GPC6: variants seen among roughly 807,000 people sequenced by gnomAD.
GPC6 encodes glypican-6.
A neutral mutation model predicts 55.2 loss-of-function variants in GPC6; 14 were observed. The observed-to-expected ratio is 0.25, with a 90% CI of 0.17 to 0.40. The LOEUF is 0.40. Among genes scored for constraint, GPC6 ranks in the 10% least tolerant of loss-of-function variants. The pLI is 1.00. For synonymous variants in GPC6, 278 were observed against 259.6 expected, an observed-to-expected ratio of 1.07 and a Z score of -0.68; for missense variants, 641 against 708.5, an observed-to-expected ratio of 0.90 and a Z score of 1.08.
intron 4 of GPC6, among the ~76,000 whole-genome samples, chr13:94,252,971 AAGC>A (rs1415895711): frequency 1.4e-5 from 2 of 144,406 alleles, no homozygotes; most frequent in African/African-American, 5.1e-5. Flanking sequence ...AAAAAAAAAA[AAGC>A]AGTTTTCTGA....
chr13:93,930,830 G>C (rs1878128726), intron 3 of GPC6, among the ~76,000 whole-genome samples: 2 of 152,140 alleles, frequency 1.3e-5, no homozygotes, highest in East Asian at 3.9e-4. Flanking sequence ...ATAAAGAAAA[G>C]TGGTTTAATT....
intron 1 of GPC6, among the ~76,000 whole-genome samples, chr13:93,308,054 G>A (rs1878932651): frequency 6.6e-6 from 1 of 152,150 alleles, no homozygotes; most frequent in South Asian, 2.1e-4. Flanking sequence ...GGAGGCCGAG[G>A]TGGGCGGATC....
chr13:93,906,820 A>G (rs541290958), intron 3 of GPC6, among the ~76,000 whole-genome samples: 1 of 152,338 alleles, frequency 6.6e-6, no homozygotes, highest in Non-Finnish European at 1.5e-5. Flanking sequence ...TCTGAATGAA[A>G]AAGATGAAGG....
chr13:93,517,470 G>C (rs1010269708), intron 1 of GPC6, among the ~76,000 whole-genome samples: 1 of 152,096 alleles, frequency 6.6e-6, no homozygotes, highest in African/African-American at 2.4e-5. Context: ...GAATCACTCA[G>C]TGGAGGTTTT....
intron 2 of GPC6, among the ~76,000 whole-genome samples, chr13:93,803,192 A>G (rs565781037): frequency 1.1e-4 from 17 of 152,286 alleles, no homozygotes; most frequent in South Asian, 8.3e-4. Flanking sequence ...ATATTTTTAA[A>G]TTATGTCTTT....
chr13:93,418,862 A>G (rs1309119058), intron 1 of GPC6, among the ~76,000 whole-genome samples: 1 of 151,112 alleles, frequency 6.6e-6, no homozygotes, highest in Non-Finnish European at 1.5e-5. Flanking sequence ...CACTTTATTA[A>G]TGGCACTATA....
chr13:93,388,328 T>A (rs1875483677), intron 1 of GPC6, among the ~76,000 whole-genome samples: 1 of 152,156 alleles, frequency 6.6e-6, no homozygotes, highest in South Asian at 2.1e-4. Flanking sequence ...ACCTGAAGCA[T>A]CTTTCTGGGT....
intron 4 of GPC6, among the ~76,000 whole-genome samples, chr13:94,244,320 AG>A (rs1891137408): frequency 6.6e-6 from 1 of 152,174 alleles, no homozygotes; most frequent in Non-Finnish European, 1.5e-5. Context: ...GGAAAACAAT[AG>A]GAAGACATTG....
At chr13:94,274,039 A>G (rs373510757) in intron 4 of GPC6, among the ~76,000 whole-genome samples, 3 of 152,212 alleles carry the variant, frequency 2.0e-5, no homozygotes, top group African/African-American at 7.2e-5. Flanking sequence ...ATGTAACTAA[A>G]CATCTCAAAG....
intron 3 of GPC6, among the ~76,000 whole-genome samples, chr13:93,845,314 A>G (rs1457371980): frequency 1.3e-5 from 2 of 150,672 alleles, no homozygotes; most frequent in Non-Finnish European, 1.5e-5. Flanking sequence ...AATGGCAATC[A>G]TTAAAATGTC....
chr13:93,471,791 A>C (rs1029627924), intron 1 of GPC6, among the ~76,000 whole-genome samples: 1 of 152,172 alleles, frequency 6.6e-6, no homozygotes, highest in Non-Finnish European at 1.5e-5. Flanking sequence ...TTTATGACCC[A>C]GGATATGGTC....
At chr13:93,583,151 C>T (rs187903027) in intron 2 of GPC6, among the ~76,000 whole-genome samples, 1 of 152,144 alleles carries the variant, frequency 6.6e-6, no homozygotes, top group African/African-American at 2.4e-5. Flanking sequence ...GTATTCTTGA[C>T]CCCAAATAAA....
At chr13:94,218,585 G>A (rs1272031118) in intron 4 of GPC6, among the ~76,000 whole-genome samples, 1 of 152,066 alleles carries the variant, frequency 6.6e-6, no homozygotes, top group African/African-American at 2.4e-5. Context: ...TTTCTGATGT[G>A]GGCCTTGCAA....
intron 1 of GPC6, among the ~76,000 whole-genome samples, chr13:93,429,875 C>T (rs1471629011): frequency 3.3e-5 from 5 of 152,038 alleles, no homozygotes; most frequent in East Asian, 3.9e-4. Context: ...TGTACTTCCT[C>T]GGGAATTCCA....
At chr13:93,242,635 T>A (rs1876472344) in intron 1 of GPC6, among the ~76,000 whole-genome samples, 1 of 152,094 alleles carries the variant, frequency 6.6e-6, no homozygotes, top group African/African-American at 2.4e-5. Context: ...TGGGGAAGAA[T>A]TGTAGTCTTC....
rs773663575 is a variant in GPC6 at position 93,545,430 on chromosome 13, A to T, written c.319+9A>T. Reference sequence around the variant, plus strand: ...GCATAAGAAATTTGACGGTAGGTGAAATGGTTTTCACTTCAGTTTGTTATA... The same window carrying T: ...GCATAAGAAATTTGACGGTAGGTGATATGGTTTTCACTTCAGTTTGTTATA... On this transcript the variant is annotated intron_variant, in intron 2 of 8. Coordinates refer to ENST00000377047, the MANE Select transcript of GPC6 (RefSeq NM_005708.5). The T allele has an allele frequency of 1.9e-6, 3 of 1,611,266 alleles. No individual in the cohort carries two copies. The highest frequency in any genetic ancestry group is 2.5e-6 in the Non-Finnish European group (3 of 1,177,436).
At chr13:93,745,274 T>A (rs1884360736) in intron 2 of GPC6, among the ~76,000 whole-genome samples, 1 of 152,188 alleles carries the variant, frequency 6.6e-6, no homozygotes, top group African/African-American at 2.4e-5. Context: ...ATATTCCAGA[T>A]GTTTTCTCAA....
intron 1 of GPC6, among the ~76,000 whole-genome samples, chr13:93,371,757 A>G (rs1242000576): frequency 6.6e-6 from 1 of 152,136 alleles, no homozygotes; most frequent in Non-Finnish European, 1.5e-5. Context: ...ACATAGTGCA[A>G]TGCCATATAG....
At chr13:93,418,352 T>C (rs1288794324) in intron 1 of GPC6, among the ~76,000 whole-genome samples, 1 of 151,344 alleles carries the variant, frequency 6.6e-6, no homozygotes, top group African/African-American at 2.4e-5. Flanking sequence ...CCTATTTTTA[T>C]TAATAATGCT....
Sources: allele counts gnomAD v4.1 joint callset (sites outside exome capture counted in the v4.1 genomes callset), GRCh38; gene constraint gnomAD v4.1.1; transcripts MANE v1.5; gene names NCBI Gene and HGNC (gene_info 2026-07-23, HGNC 2026-07-21).